LHFPL3: variants seen among roughly 807,000 people sequenced by gnomAD.
LHFPL3 encodes LHFPL tetraspan subfamily member 3, also known as LHFPL tetraspan subfamily member 3 protein.
A neutral mutation model predicts 19.3 loss-of-function variants in LHFPL3; 5 were observed. The ratio of observed to expected loss-of-function variants is 0.26; its 90% CI spans 0.14 to 0.54. LHFPL3 has a LOEUF of 0.54. LHFPL3 is among the 20% of genes least tolerant of loss of function. The pLI is 0.94. For synonymous variants in LHFPL3, 133 were observed against 126.2 expected, an observed-to-expected ratio of 1.05 and a Z score of -0.36; for missense variants, 249 against 307.4, an observed-to-expected ratio of 0.81 and a Z score of 1.42.
intron 1 of LHFPL3, among the ~76,000 whole-genome samples, chr7:104,362,111 C>T (rs2116411613): frequency 6.6e-6 from 1 of 152,322 alleles, no homozygotes; most frequent in Non-Finnish European, 1.5e-5. Flanking sequence ...GGGGGTTCTC[C>T]TTAGAGCAGA....
At position 104,356,494 on chromosome 7, in the gene LHFPL3, G is replaced by C. The variant is rs35465518; in HGVS notation, c.445+27270G>C. ...TCAGAAGTAGTTTCATTTGGACCAT[G>C]GCAGCTACAGGGTGCAAGTATTTTT... On this transcript the variant is annotated intron_variant, in intron 1 of 2. Coordinates refer to ENST00000424859, the MANE Select transcript of LHFPL3 (RefSeq NM_199000.3). 6.6e-3 allele frequency among the ~76,000 whole-genome samples: 1,012 copies of C among 152,286 alleles called. 68 individuals are homozygous for C. In the East Asian group the frequency reaches 0.16, roughly 24 times the overall value.
intron 2 of LHFPL3, among the ~76,000 whole-genome samples, chr7:104,830,532 G>A (rs1038112689): frequency 3.3e-5 from 5 of 151,796 alleles, no homozygotes; most frequent in Non-Finnish European, 7.4e-5. Flanking sequence ...AAGGGATCCA[G>A]TTTCAGCTTT....
At chr7:104,557,071 C>T (rs1789856041) in intron 1 of LHFPL3, among the ~76,000 whole-genome samples, 1 of 152,206 alleles carries the variant, frequency 6.6e-6, no homozygotes, top group Admixed American at 6.5e-5. Flanking sequence ...CAAAGCCCTT[C>T]AACAAGTTTC....
chr7:104,714,479 G>GA (rs1190393201), intron 1 of LHFPL3, among the ~76,000 whole-genome samples: 16 of 146,108 alleles, frequency 1.1e-4, no homozygotes, highest in Middle Eastern at 7.1e-3. Flanking sequence ...AAGAAATAAA[G>GA]AAAAAAAAGA....
chr7:104,440,313 A>G (rs942261895), intron 1 of LHFPL3, among the ~76,000 whole-genome samples: 5 of 152,040 alleles, frequency 3.3e-5, no homozygotes, highest in Non-Finnish European at 7.4e-5. Context: ...TATCGCCAAG[A>G]ACAAAAAACC....
intron 2 of LHFPL3, among the ~76,000 whole-genome samples, chr7:104,767,351 C>A (rs1184366152): frequency 6.6e-6 from 1 of 152,188 alleles, no homozygotes; most frequent in African/African-American, 2.4e-5. Context: ...GTGCCTCTGG[C>A]AGATTGCTTC....
At chr7:104,601,937 C>T (rs1441865861) in intron 1 of LHFPL3, among the ~76,000 whole-genome samples, 2 of 151,658 alleles carry the variant, frequency 1.3e-5, no homozygotes, top group African/African-American at 4.8e-5. Context: ...AATCACATGA[C>T]GGTTTGATGG....
At chr7:104,717,055 A>G (rs1440283611) in intron 1 of LHFPL3, among the ~76,000 whole-genome samples, 1 of 152,200 alleles carries the variant, frequency 6.6e-6, no homozygotes, top group Non-Finnish European at 1.5e-5. Flanking sequence ...CAGGTGTACC[A>G]AAAATACACA....
chr7:104,371,335 T>TCC, intron 1 of LHFPL3, among the ~76,000 whole-genome samples: 1 of 152,294 alleles, frequency 6.6e-6, no homozygotes, highest in South Asian at 2.1e-4. Flanking sequence ...GTGGTTTATC[T>TCC]CCCCCAGTGT....
intron 1 of LHFPL3, among the ~76,000 whole-genome samples, chr7:104,551,360 G>T (rs550689937): frequency 1.3e-5 from 2 of 152,078 alleles, no homozygotes; most frequent in African/African-American, 4.8e-5. Flanking sequence ...ATAGCTCTCC[G>T]TGGGTTCTCT....
intron 1 of LHFPL3, among the ~76,000 whole-genome samples, chr7:104,389,927 G>C (rs934527970): frequency 4.6e-5 from 7 of 152,018 alleles, no homozygotes; most frequent in Non-Finnish European, 7.4e-5. Flanking sequence ...GAAAAAATGT[G>C]TTAGTAAATC....
chr7:104,440,041 G>GGGGAGT (rs1554394376), intron 1 of LHFPL3, among the ~76,000 whole-genome samples: 1 of 146,498 alleles, frequency 6.8e-6, no homozygotes, highest in Non-Finnish European at 1.5e-5. Context: ...AGCCTGGGGG[G>GGGGAGT]GGGGAGGGAT....
At position 104,399,087 on chromosome 7, in the gene LHFPL3, G is replaced by A. The variant is rs1791256388; in HGVS notation, c.445+69863G>A. On this transcript the variant is annotated intron_variant, in intron 1 of 2. Transcript: ENST00000424859. This position sits in a 1 kb window ranked among gnomAD's most constrained non-coding sequence, Gnocchi z 4.4. ...GCTAGTTTCCAGAAAGTTCCTGTGTGCTACTGAAAGACACACAGGATAGTG... is the reference window on the plus strand; with the variant it reads ...GCTAGTTTCCAGAAAGTTCCTGTGTACTACTGAAAGACACACAGGATAGTG... Among the ~76,000 whole-genome samples, 1 of 152,110 alleles carries A rather than the reference G, an allele frequency of 6.6e-6. No homozygotes were observed. The highest frequency in any genetic ancestry group is 1.5e-5 in the Non-Finnish European group (1 of 68,020).
chr7:104,840,266 G>A (rs1349789981), intron 2 of LHFPL3, among the ~76,000 whole-genome samples: 1 of 148,154 alleles, frequency 6.7e-6, no homozygotes, highest in African/African-American at 2.5e-5. Context: ...TCATTTTCTT[G>A]AAGATTCTCA....
intron 1 of LHFPL3, among the ~76,000 whole-genome samples, chr7:104,575,263 T>A (rs1790303836): frequency 6.6e-6 from 1 of 152,198 alleles, no homozygotes; most frequent in Non-Finnish European, 1.5e-5. Flanking sequence ...TTCAAACTAT[T>A]GCTGTTTCCA....
chr7:104,727,111 G>C (rs1159231238), intron 1 of LHFPL3, among the ~76,000 whole-genome samples: 5 of 152,102 alleles, frequency 3.3e-5, no homozygotes. Flanking sequence ...ATGTTTGTTA[G>C]CTGCATAAAT....
chr7:104,478,718 A>G (rs955124290), intron 1 of LHFPL3, among the ~76,000 whole-genome samples: 1 of 152,190 alleles, frequency 6.6e-6, no homozygotes, highest in South Asian at 2.1e-4. Context: ...CTTAATGGCT[A>G]CTAATCAAAG....
chr7:104,395,712 C>G (rs1240094422), intron 1 of LHFPL3, among the ~76,000 whole-genome samples: 1 of 152,118 alleles, frequency 6.6e-6, no homozygotes, highest in African/African-American at 2.4e-5. Context: ...CCCAAACATT[C>G]AATACTTTAT....
intron 1 of LHFPL3, among the ~76,000 whole-genome samples, chr7:104,601,480 T>C (rs956021746): frequency 6.6e-6 from 1 of 152,182 alleles, no homozygotes; most frequent in Non-Finnish European, 1.5e-5. Context: ...ATATTATTGA[T>C]AGTGACAAGC....
Sources: allele counts gnomAD v4.1 joint callset (sites outside exome capture counted in the v4.1 genomes callset), GRCh38; gene constraint gnomAD v4.1.1; non-coding constraint Gnocchi (gnomAD v3.1); transcripts MANE v1.5; gene names NCBI Gene and HGNC (gene_info 2026-07-23, HGNC 2026-07-21).